The following ZFHX3 variants were observed in gnomAD, a reference collection of about 807,000 sequenced individuals.
ZFHX3 encodes the protein zinc finger homeobox 3.
In ZFHX3, 42 loss-of-function variants were observed where a neutral mutation model predicts 279.1. The observed-to-expected ratio is 0.15, with a 90% confidence interval of 0.12 to 0.19. The LOEUF (loss-of-function observed/expected upper bound fraction) is 0.19, where lower values mean the gene tolerates loss of function less well. Ranked by LOEUF, ZFHX3 falls within the 10% of genes least tolerant of loss-of-function variation. The pLI is 1.00. For missense variants in ZFHX3, 4,981 were observed against 4,754.0 expected (o/e 1.05, Z -1.40); for synonymous variants, 2,293 against 1,957.8 (o/e 1.17, Z -4.52).
chr16:73,004,158 A>ATTTT (rs1567627941), intron 1 of ZFHX3, among the ~76,000 whole-genome samples: 1 of 51,312 alleles, frequency 1.9e-5, no homozygotes, highest in African/African-American at 1.1e-4. Context: ...TAAAAACACG[A>ATTTT]CTTTTTTTTT....
chr16:73,087,579 T>G (rs1268581134), intron 8 of ZFHX3, among the ~76,000 whole-genome samples: 1 of 152,202 alleles, frequency 6.6e-6, no homozygotes. Context: ...GAGAGATGAT[T>G]ATAACTCTAA....
At chr16:73,542,754 A>G (rs1157432329) in intron 2 of ZFHX3, among the ~76,000 whole-genome samples, 6 of 152,180 alleles carry the variant, frequency 3.9e-5, no homozygotes, top group African/African-American at 1.2e-4. Context: ...TGTCTCATGC[A>G]ATAGTTGAGG....
chr16:73,791,924 C>G (rs1043622572), intron 1 of ZFHX3, among the ~76,000 whole-genome samples: 1 of 152,124 alleles, frequency 6.6e-6, no homozygotes, highest in Admixed American at 6.5e-5. Flanking sequence ...GCTTACAGAG[C>G]CTTCATAGTA....
At chr16:73,046,567 G>C (rs1965310916) in intron 1 of ZFHX3, among the ~76,000 whole-genome samples, 1 of 152,056 alleles carries the variant, frequency 6.6e-6, no homozygotes, top group Non-Finnish European at 1.5e-5. Flanking sequence ...CTGAATTCAG[G>C]AATGAGGGAA....
intron 2 of ZFHX3, among the ~76,000 whole-genome samples, chr16:73,662,892 G>A (rs1264293938): frequency 6.6e-6 from 1 of 152,120 alleles, no homozygotes. Context: ...GAGGCCAACC[G>A]TGAGGGGCTT....
intron 3 of ZFHX3, among the ~76,000 whole-genome samples, chr16:73,360,097 G>A (rs191935622): frequency 3.5e-4 from 54 of 152,254 alleles, no homozygotes; most frequent in African/African-American, 1.3e-3. Flanking sequence ...CATTAGATAC[G>A]TTAGCCAAAT....
At chr16:72,844,342 C>T (rs929285336) in intron 4 of ZFHX3, among the ~76,000 whole-genome samples, 1 of 152,198 alleles carries the variant, frequency 6.6e-6, no homozygotes, top group Non-Finnish European at 1.5e-5. Flanking sequence ...ACTGCAATTT[C>T]AGTCCTGGCT....
intron 3 of ZFHX3, among the ~76,000 whole-genome samples, chr16:73,441,928 A>G (rs967654057): frequency 6.6e-6 from 1 of 152,218 alleles, no homozygotes; most frequent in East Asian, 1.9e-4. Flanking sequence ...CGTTTTGAGA[A>G]AAATGAAAAT....
chr16:73,793,465 T>G (rs1457990335), intron 1 of ZFHX3, among the ~76,000 whole-genome samples: 1 of 152,244 alleles, frequency 6.6e-6, no homozygotes, highest in African/African-American at 2.4e-5. Context: ...GCCTGGTACC[T>G]TGATGCAAGC....
At position 72,787,088 on chromosome 16, in the gene ZFHX3, T is replaced by TA. The variant is rs2035417153; in HGVS notation, c.*75dup. 2.7e-5 allele frequency: 35 copies of TA among 1,289,078 alleles called. No homozygotes were observed. Among genetic ancestry groups the TA allele is most frequent in the Middle Eastern group, 2.7e-4 (1 of 3,638 alleles). The allele number at this position is 1,289,078 out of a possible 1,614,324, so 79.9% of individuals were successfully genotyped here. ...TGGTTAGAAGCTTTGGAATTGCAGT[T>TA]AGTCTATTTTTGAAATTGGTTTGTT... is the stretch of plus-strand genomic sequence containing the variant. On this transcript the variant is annotated 3_prime_UTR_variant, in exon 10 of 10. Transcript: ENST00000268489.
At chr16:73,505,494 C>A (rs1170754025) in intron 2 of ZFHX3, among the ~76,000 whole-genome samples, 3 of 151,880 alleles carry the variant, frequency 2.0e-5, no homozygotes, top group African/African-American at 4.8e-5. Flanking sequence ...TCCTAAGAAA[C>A]CTGTCCGTTA....
chr16:73,412,249 C>T (rs982692559), intron 3 of ZFHX3, among the ~76,000 whole-genome samples: 1 of 151,122 alleles, frequency 6.6e-6, no homozygotes, highest in Non-Finnish European at 1.5e-5. Flanking sequence ...ATCATCTGAG[C>T]CTGGGAGGTC....
At chr16:73,358,904 A>G (rs1029146515) in intron 3 of ZFHX3, among the ~76,000 whole-genome samples, 1 of 152,238 alleles carries the variant, frequency 6.6e-6, no homozygotes, top group Non-Finnish European at 1.5e-5. Context: ...AGGTAATAAT[A>G]AGAGTCACCT....
intron 2 of ZFHX3, among the ~76,000 whole-genome samples, chr16:73,624,441 T>C (rs1020814743): frequency 1.4e-5 from 2 of 145,932 alleles, no homozygotes; most frequent in African/African-American, 4.9e-5. Flanking sequence ...AGCTGCTGAA[T>C]GGAACAACCT....
chr16:73,588,304 A>G (rs1440697116), intron 2 of ZFHX3, among the ~76,000 whole-genome samples: 1 of 152,222 alleles, frequency 6.6e-6, no homozygotes, highest in African/African-American at 2.4e-5. Context: ...ACAAAGGAAT[A>G]CACATCTATC....
At chr16:73,447,689 T>G (rs1274370830) in intron 3 of ZFHX3, among the ~76,000 whole-genome samples, 1 of 152,122 alleles carries the variant, frequency 6.6e-6, no homozygotes, top group Non-Finnish European at 1.5e-5. Context: ...CACATTAAAC[T>G]GCTGCTAAGA....
chr16:73,637,424 G>A (rs953599864), intron 2 of ZFHX3, among the ~76,000 whole-genome samples: 1 of 151,122 alleles, frequency 6.6e-6, no homozygotes, highest in African/African-American at 2.4e-5. Flanking sequence ...CTAGAGACGG[G>A]GTTTCACTAT....
intron 1 of ZFHX3, among the ~76,000 whole-genome samples, chr16:73,780,513 G>A (rs1236146026): frequency 6.6e-6 from 1 of 151,494 alleles, no homozygotes; most frequent in Non-Finnish European, 1.5e-5. Flanking sequence ...CATGATCACG[G>A]CTCACTGCAA....
intron 5 of ZFHX3, among the ~76,000 whole-genome samples, chr16:73,202,591 T>C (rs968747346): frequency 6.6e-6 from 1 of 152,218 alleles, no homozygotes; most frequent in African/African-American, 2.4e-5. Flanking sequence ...CAGATGGTGC[T>C]GAGGGAACCA....
Sources: allele counts gnomAD v4.1 joint callset (sites outside exome capture counted in the v4.1 genomes callset), GRCh38; gene constraint gnomAD v4.1.1; transcripts MANE v1.5; gene names NCBI Gene and HGNC (gene_info 2026-07-23, HGNC 2026-07-21).